The following ASAP1 variants were observed in gnomAD, a reference collection of about 807,000 sequenced individuals.
ASAP1 encodes arf-GAP with SH3 domain, ANK repeat and PH domain-containing protein 1.
In ASAP1, 43 loss-of-function variants were observed where a neutral mutation model predicts 145.2. That is an observed-to-expected ratio of 0.30 (90% CI 0.23 to 0.38). The LOEUF (loss-of-function observed/expected upper bound fraction) is 0.38. ASAP1 is among the 10% of genes least tolerant of loss of function. The pLI is 1.00. For missense variants in ASAP1, 1,018 were observed against 1,355.3 expected (o/e 0.75, Z 3.91); for synonymous variants, 546 against 515.5 (o/e 1.06, Z -0.80).
At chr8:130,280,691 G>T (rs1340444022) in intron 3 of ASAP1, among the ~76,000 whole-genome samples, 1 of 152,234 alleles carries the variant, frequency 6.6e-6, no homozygotes, top group African/African-American at 2.4e-5. Flanking sequence ...TAATAAAATA[G>T]TCAGAATTAT....
chr8:130,332,632 AT>A, intron 3 of ASAP1, among the ~76,000 whole-genome samples: 1 of 152,246 alleles, frequency 6.6e-6, no homozygotes, highest in Admixed American at 6.5e-5. Flanking sequence ...GAAACTCTGG[AT>A]TTTTTCCCTC....
At chr8:130,312,676 C>A (rs1290512157) in intron 3 of ASAP1, among the ~76,000 whole-genome samples, 2 of 152,132 alleles carry the variant, frequency 1.3e-5, no homozygotes, top group African/African-American at 4.8e-5. Context: ...GAAATTAAAT[C>A]AAGATAGCAC....
chr8:130,078,934 T>C (rs1183248635), intron 26 of ASAP1, among the ~76,000 whole-genome samples: 1 of 152,118 alleles, frequency 6.6e-6, no homozygotes, highest in African/African-American at 2.4e-5. Context: ...TGGCTCCCAC[T>C]TGTAATCCTA....
intron 3 of ASAP1, among the ~76,000 whole-genome samples, chr8:130,306,550 C>T (rs1823004245): frequency 6.6e-6 from 1 of 152,144 alleles, no homozygotes; most frequent in Non-Finnish European, 1.5e-5. Flanking sequence ...CTAAGTAGAG[C>T]TGGTTCTTTG....
intron 13 of ASAP1, among the ~76,000 whole-genome samples, chr8:130,140,532 C>T (rs2097608039): frequency 6.6e-6 from 1 of 152,110 alleles, no homozygotes; most frequent in African/African-American, 2.4e-5. Flanking sequence ...TCCTCCTCAC[C>T]TCTCATTTCT....
chr8:130,385,681 T>C (rs919711621), intron 2 of ASAP1, among the ~76,000 whole-genome samples: 1 of 152,176 alleles, frequency 6.6e-6, no homozygotes, highest in African/African-American at 2.4e-5. Context: ...AGTCAGGAGC[T>C]TCTCTTCTGC....
chr8:130,123,382 A>T (rs1292716808), intron 18 of ASAP1, among the ~76,000 whole-genome samples: 1 of 152,068 alleles, frequency 6.6e-6, no homozygotes, highest in Non-Finnish European at 1.5e-5. Context: ...GGAATCTCCC[A>T]TTGTCTTTGA....
intron 15 of ASAP1, among the ~76,000 whole-genome samples, chr8:130,134,006 G>C (rs1009200675): frequency 6.6e-6 from 1 of 152,246 alleles, no homozygotes; most frequent in Non-Finnish European, 1.5e-5. Context: ...ATGCACCACA[G>C]GATCACAGAA....
At chr8:130,287,562 T>C (rs1821691453) in intron 3 of ASAP1, among the ~76,000 whole-genome samples, 1 of 152,122 alleles carries the variant, frequency 6.6e-6, no homozygotes, top group African/African-American at 2.4e-5. Flanking sequence ...TTCAATGCGA[T>C]GATGGGGACA....
At chr8:130,251,713 G>C (rs892795386) in intron 3 of ASAP1, among the ~76,000 whole-genome samples, 2 of 152,114 alleles carry the variant, frequency 1.3e-5, no homozygotes, top group Non-Finnish European at 2.9e-5. Context: ...CTGCTATAAA[G>C]ACCCAGAAGA....
Position 130,431,145 on chromosome 8 carries a change from T to G in ASAP1, c.-28+12315A>C, listed in dbSNP as rs527659847. Among the ~76,000 whole-genome samples the G allele has an allele frequency of 2.6e-5, 4 of 152,204 alleles. No homozygotes were observed. In the South Asian group the frequency reaches 8.3e-4, roughly 32 times the overall value. On this transcript the variant is annotated intron_variant, in intron 1 of 29. Transcript: ENST00000518721. Reference sequence around the variant, plus strand: ...CTCTCTTCCCCATCCCCCCTCCAAATGATCCCCATGCCAGCCAATCCTACT... The same window carrying G: ...CTCTCTTCCCCATCCCCCCTCCAAAGGATCCCCATGCCAGCCAATCCTACT...
intron 3 of ASAP1, among the ~76,000 whole-genome samples, chr8:130,278,405 C>A (rs1821051645): frequency 6.6e-6 from 1 of 152,014 alleles, no homozygotes; most frequent in Non-Finnish European, 1.5e-5. Flanking sequence ...GAAAATATGA[C>A]CCTACCTAAA....
intron 3 of ASAP1, among the ~76,000 whole-genome samples, chr8:130,310,138 T>TGGGGGGG (rs368989712): frequency 3.7e-5 from 2 of 54,216 alleles, no homozygotes; most frequent in African/African-American, 7.6e-5. Context: ...CAGTTTTTTT[T>TGGGGGGG]GGGGGGGGGA....
chr8:130,253,823 C>A (rs779633702), intron 3 of ASAP1, among the ~76,000 whole-genome samples: 22 of 152,026 alleles, frequency 1.4e-4, no homozygotes, highest in Non-Finnish European at 2.8e-4. Flanking sequence ...ATGACAATGA[C>A]GAGCCTGGCC....
At chr8:130,129,644 A>G (rs1053796808) in intron 15 of ASAP1, among the ~76,000 whole-genome samples, 1 of 152,260 alleles carries the variant, frequency 6.6e-6, no homozygotes, top group Admixed American at 6.5e-5. Context: ...ATATGAAACA[A>G]AGCACTATAC....
At chr8:130,336,086 GACA>G (rs1289072121) in intron 3 of ASAP1, among the ~76,000 whole-genome samples, 2 of 152,154 alleles carry the variant, frequency 1.3e-5, no homozygotes, top group African/African-American at 4.8e-5. Flanking sequence ...ACCAGAGATA[GACA>G]CCTGGGATTA....
intron 25 of ASAP1, 63 bp downstream of exon 25, chr8:130,091,910 C>G: frequency 6.9e-7 from 1 of 1,451,816 alleles, no homozygotes; most frequent in African/African-American, 1.5e-5. Context: ...AGGCCACTGC[C>G]CAGTGGAGCC....
chr8:130,066,072 C>A (rs2097430056), intron 27 of ASAP1, among the ~76,000 whole-genome samples: 1 of 152,128 alleles, frequency 6.6e-6, no homozygotes. Context: ...TACCAATGCC[C>A]CCAGTATTAC....
intron 3 of ASAP1, among the ~76,000 whole-genome samples, chr8:130,328,227 A>G (rs1315753628): frequency 9.2e-5 from 14 of 152,204 alleles, no homozygotes; most frequent in Non-Finnish European, 5.9e-5. Flanking sequence ...AAAAGGCTTG[A>G]GCAAGTTCAC....
Sources: allele counts gnomAD v4.1 joint callset (sites outside exome capture counted in the v4.1 genomes callset), GRCh38; gene constraint gnomAD v4.1.1; transcripts MANE v1.5; gene names NCBI Gene and HGNC (gene_info 2026-07-23, HGNC 2026-07-21).